The following ZNF507 variants were observed in gnomAD, a reference collection of about 807,000 sequenced individuals.
ZNF507 encodes zinc finger protein 507.
A neutral mutation model predicts 80.0 loss-of-function variants in ZNF507; 29 were observed. The ratio of observed to expected loss-of-function variants is 0.36; its 90% CI spans 0.27 to 0.49. ZNF507 has a LOEUF of 0.49. Ranked by LOEUF, ZNF507 falls within the 20% of genes least tolerant of loss-of-function variation. The probability of loss-of-function intolerance (pLI) is 0.98; values close to 1 mark genes in which losing one functional copy is unlikely to be tolerated. For missense variants in ZNF507, 1,081 were observed against 1,152.2 expected, an observed-to-expected ratio of 0.94 and a Z score of 0.90; for synonymous variants, 462 against 422.5, an observed-to-expected ratio of 1.09 and a Z score of -1.15.
At chr19:32,354,999 CTT>C (rs1967233359) in intron 3 of ZNF507, 42 bp downstream of exon 3, 1 of 1,503,992 alleles carries the variant, frequency 6.6e-7, no homozygotes, top group Non-Finnish European at 8.9e-7. Context: ...ACCTTCGCAT[CTT>C]AGAGTGAGAA....
intron 5 of ZNF507, 199 bp from the exon 6 acceptor site, chr19:32,382,268 T>C: frequency 2.0e-6 from 1 of 501,316 alleles, no homozygotes; most frequent in Non-Finnish European, 3.4e-6. Context: ...CCTTCTTTCA[T>C]TGATTCTAGG....
intron 2 of ZNF507, among the ~76,000 whole-genome samples, chr19:32,352,251 G>T (rs186689611): frequency 6.6e-6 from 1 of 152,158 alleles, no homozygotes; most frequent in Non-Finnish European, 1.5e-5. Context: ...AATTCAATAT[G>T]CCCTGTACAA....
rs901951859 is a variant in ZNF507 at position 32,351,535 on chromosome 19, G to GGGGGGGGGC, written c.-2-1293_-2-1292insGGGGGGGCG. The stretch of plus-strand genomic sequence containing the variant: ...TGTGTGTGTGTGTGGCGTGGGGGCG[G>GGGGGGGGGC]GCGGGGCCTGGCAGGACATTAGGTA... On this transcript the variant is annotated intron_variant, in intron 2 of 6. Transcript: ENST00000355898. Among the ~76,000 whole-genome samples, 21 of 75,688 alleles carry GGGGGGGGGC rather than the reference G, an allele frequency of 2.8e-4. 6 individuals are homozygous for GGGGGGGGGC. The highest frequency in any genetic ancestry group is 8.2e-4 in the African/African-American group (15 of 18,192). 49.7% of individuals were successfully genotyped at this position (75,688 alleles called of 152,430 possible).
At chr19:32,373,703 G>A (rs1967505319) in intron 5 of ZNF507, among the ~76,000 whole-genome samples, 1 of 152,216 alleles carries the variant, frequency 6.6e-6, no homozygotes, top group South Asian at 2.1e-4. Flanking sequence ...AGTGGCAGCA[G>A]TGTCAACATT....
At position 32,383,298 on chromosome 19, in the gene ZNF507, G is replaced by A. The variant is rs1335814523; in HGVS notation, c.*215G>A. On this transcript the variant is annotated 3_prime_UTR_variant, in exon 7 of 7. Coordinates refer to ENST00000355898, the MANE Select transcript of ZNF507 (RefSeq NM_001136156.2). ...TAAATATTTTGAGTGAGGGGGAGTG[G>A]GTCAAAGAGGAAGTAGAGGTGTAAT... is the stretch of plus-strand genomic sequence containing the variant. 3 of 566,564 alleles carry A rather than the reference G, an allele frequency of 5.3e-6. No homozygotes were observed. The highest frequency in any genetic ancestry group is 6.6e-5 in the East Asian group (2 of 30,406). The allele number at this position is 566,564 out of a possible 1,614,324, so 35.1% of individuals were successfully genotyped here. A position where few individuals can be genotyped will look rare whatever the true frequency, so the allele number is the denominator to read the frequency against.
intron 4 of ZNF507, among the ~76,000 whole-genome samples, chr19:32,360,251 G>A (rs1035802063): frequency 2.0e-5 from 3 of 152,140 alleles, no homozygotes; most frequent in Non-Finnish European, 2.9e-5. Flanking sequence ...TTAGAATATT[G>A]TACATGGTTA....
Position 32,382,603 on chromosome 19 carries a change from T to C in ZNF507, c.2495+2T>C. The stretch of plus-strand genomic sequence containing the variant: ...CGACGCGATTTCACAAAGTGGCAGG[T>C]ATTTCATCCTACCCCCTCCCTTTAT... On this transcript the variant is annotated splice_donor_variant, in intron 6 of 6. Transcript: ENST00000355898. LOFTEE classifies it high-confidence loss of function. The C allele has an allele frequency of 6.2e-7, 1 of 1,613,450 alleles. No homozygotes were observed. The highest frequency in any genetic ancestry group is 1.7e-4 in the Middle Eastern group (1 of 6,058).
At chr19:32,357,382 C>A (rs1967267144) in intron 4 of ZNF507, 1 of 152,206 alleles carries the variant, frequency 6.6e-6, no homozygotes, top group African/African-American at 2.4e-5. Context: ...TGGTTCAGCT[C>A]ACTTAAATTG....
rs768278 is a variant in ZNF507 at position 32,383,308 on chromosome 19, G to A, written c.*225G>A. The A allele has an allele frequency of 1.9e-6, 1 of 534,688 alleles. No individual in the cohort carries two copies. The highest frequency in any genetic ancestry group is 2.2e-5 in the South Asian group (1 of 46,346). The allele number at this position is 534,688 out of a possible 1,614,324, so 33.1% of individuals were successfully genotyped here. A position where few individuals can be genotyped will look rare whatever the true frequency, so the allele number is the denominator to read the frequency against. ...GAGTGAGGGGGAGTGGGTCAAAGAG[G>A]AAGTAGAGGTGTAATCCTGTATTAA... On this transcript the variant is annotated 3_prime_UTR_variant, in exon 7 of 7. Coordinates refer to ENST00000355898, the MANE Select transcript of ZNF507 (RefSeq NM_001136156.2).
At chr19:32,378,811 C>A (rs1416552858) in intron 5 of ZNF507, among the ~76,000 whole-genome samples, 2 of 152,146 alleles carry the variant, frequency 1.3e-5, no homozygotes, top group African/African-American at 4.8e-5. Context: ...ATAAGTCTGA[C>A]TTGTCACTGG....
chr19:32,354,878 A>G lies in ZNF507; in HGVS notation c.2048A>G (p.Asp683Gly), dbSNP rs1268486779. ...ICEHIADNSK[D>G]LESHMIHHCK... ...GAGCACATAGCGGACAACAGCAAAG[A>G]TTTGGAGAGTCACATGATCCACCAC... The change falls in exon 3 of 7, where the codon GAT becomes GGT. Residue 683 changes from aspartate to glycine, a missense_variant. Physicochemically the swap from Asp to Gly is moderately conservative, Grantham distance 94. Transcript: ENST00000355898. 1 of 1,614,062 alleles carries G rather than the reference A, an allele frequency of 6.2e-7. No individual in the cohort carries two copies. Among genetic ancestry groups the G allele is most frequent in the Admixed American group, 1.7e-5 (1 of 60,010 alleles).
intron 5 of ZNF507, chr19:32,380,635 TG>T: frequency 6.5e-7 from 1 of 1,535,032 alleles, no homozygotes; most frequent in Non-Finnish European, 8.7e-7. Flanking sequence ...GTAAGTTATC[TG>T]GTTTGTTAGG....
chr19:32,382,653 A>C (rs1435890620), intron 6 of ZNF507, 52 bp downstream of exon 6: 2 of 1,612,716 alleles, frequency 1.2e-6, no homozygotes, highest in Admixed American at 3.3e-5. Flanking sequence ...TAAAGCCAGG[A>C]TTAAATCTAC....
intron 5 of ZNF507, among the ~76,000 whole-genome samples, chr19:32,373,134 G>T (rs1270415316): frequency 6.6e-6 from 1 of 152,170 alleles, no homozygotes; most frequent in Non-Finnish European, 1.5e-5. Flanking sequence ...CAAGGCCTCT[G>T]CCCTCATGAC....
chr19:32,366,854 T>C (rs190725049), intron 5 of ZNF507, among the ~76,000 whole-genome samples: 1 of 152,384 alleles, frequency 6.6e-6, no homozygotes, highest in East Asian at 1.9e-4. Context: ...TGTCAGTCTT[T>C]AATCTTTATT....
intron 4 of ZNF507, 70 bp from the exon 5 acceptor site, chr19:32,360,434 A>G (rs1381322093): frequency 4.2e-6 from 3 of 706,580 alleles, no homozygotes; most frequent in African/African-American, 1.9e-5. Context: ...TTCATTTACA[A>G]TGGAATGTAA....
At chr19:32,350,667 C>G (rs1386504769) in intron 2 of ZNF507, among the ~76,000 whole-genome samples, 3 of 152,154 alleles carry the variant, frequency 2.0e-5, no homozygotes, top group Non-Finnish European at 4.4e-5. Flanking sequence ...TGTGCAAAGT[C>G]TCTTGAGCAA....
At chr19:32,349,905 A>G (rs1967140502) in intron 2 of ZNF507, among the ~76,000 whole-genome samples, 1 of 152,162 alleles carries the variant, frequency 6.6e-6, no homozygotes, top group South Asian at 2.1e-4. Flanking sequence ...CCACCCCACC[A>G]CTGCAGTATC....
chr19:32,360,144 A>G (rs1967302341), intron 4 of ZNF507, among the ~76,000 whole-genome samples: 1 of 152,212 alleles, frequency 6.6e-6, no homozygotes, highest in Non-Finnish European at 1.5e-5. Flanking sequence ...CAGTATATCC[A>G]ATATTGGTTA....
Sources: allele counts gnomAD v4.1 joint callset (sites outside exome capture counted in the v4.1 genomes callset), GRCh38; gene constraint gnomAD v4.1.1; transcripts MANE v1.5; gene names NCBI Gene and HGNC (gene_info 2026-07-23, HGNC 2026-07-21).